ADGRL2: variants seen among roughly 807,000 people sequenced by gnomAD.
The protein encoded by ADGRL2 is adhesion G protein-coupled receptor L2.
Under a neutral mutation model 157.4 loss-of-function variants are expected in ADGRL2, and 44 were observed. That is an observed-to-expected ratio of 0.28 (90% CI 0.22 to 0.36). The LOEUF is 0.36. ADGRL2 is among the 10% of genes least tolerant of loss of function. The probability of loss-of-function intolerance (pLI) is 1.00; values close to 1 mark genes in which losing one functional copy is unlikely to be tolerated. For missense variants in ADGRL2, 1,510 were observed against 1,768.9 expected, an observed-to-expected ratio of 0.85 and a Z score of 2.63; for synonymous variants, 585 against 624.7, an observed-to-expected ratio of 0.94 and a Z score of 0.95.
intron 18 of ADGRL2, chr1:81,981,161 T>G: frequency 2.5e-6 from 1 of 404,970 alleles, no homozygotes; most frequent in South Asian, 2.2e-5. Context: ...GTAAGATCAT[T>G]AGTTAGACAT....
At chr1:81,335,150 C>T (rs759668532) in intron 1 of ADGRL2, among the ~76,000 whole-genome samples, 6 of 152,084 alleles carry the variant, frequency 3.9e-5, no homozygotes, top group Non-Finnish European at 5.9e-5. Flanking sequence ...TCTTCCAAGG[C>T]CTTATGAATC....
intron 2 of ADGRL2, among the ~76,000 whole-genome samples, chr1:81,530,631 G>A (rs964233218): frequency 6.6e-6 from 1 of 152,074 alleles, no homozygotes; most frequent in East Asian, 1.9e-4. Context: ...TTACAGGCGT[G>A]AGCCACCATG....
intron 2 of ADGRL2, among the ~76,000 whole-genome samples, chr1:81,520,119 G>A (rs2079277343): frequency 6.6e-6 from 1 of 152,196 alleles, no homozygotes; most frequent in Non-Finnish European, 1.5e-5. Flanking sequence ...AGAAGCAAAT[G>A]ATGAGAATGA....
intron 1 of ADGRL2, among the ~76,000 whole-genome samples, chr1:81,430,674 AGTTGTT>A (rs376586643): frequency 6.6e-6 from 1 of 151,912 alleles, no homozygotes; most frequent in Admixed American, 6.6e-5. Flanking sequence ...ATTTCAAGTT[AGTTGTT>A]GTTGTTGTTG....
At chr1:81,826,446 G>A (rs2091489168) in intron 1 of ADGRL2, among the ~76,000 whole-genome samples, 1 of 148,544 alleles carries the variant, frequency 6.7e-6, no homozygotes, top group African/African-American at 2.5e-5. Context: ...ACTGGTACCA[G>A]CAGGAGATTT....
chr1:81,558,643 G>GA (rs371744631), intron 2 of ADGRL2, among the ~76,000 whole-genome samples: 127 of 147,506 alleles, frequency 8.6e-4, no homozygotes, highest in East Asian at 4.7e-3. Context: ...AAATAACAAT[G>GA]AAAAAAAAAA....
chr1:81,940,148 C>T (rs886510559), intron 4 of ADGRL2, among the ~76,000 whole-genome samples: 1 of 151,430 alleles, frequency 6.6e-6, no homozygotes, highest in Non-Finnish European at 1.5e-5. Context: ...TCTACATCTT[C>T]TATTGAACTT....
intron 2 of ADGRL2, among the ~76,000 whole-genome samples, chr1:81,476,649 G>A (rs1022025404): frequency 2.6e-5 from 4 of 151,956 alleles, no homozygotes; most frequent in Non-Finnish European, 5.9e-5. Flanking sequence ...TAGAAATCTC[G>A]CAAAGTTGCT....
In ADGRL2 at chr1:81,984,599, G is replaced by A. The variant is rs750714643; in HGVS notation, c.3299G>A (p.Gly1100Asp). ...TCAATGCAGGTACGAAAAGAATATG[G>A]CAAGTGCTTCAGACACTCATACTGC... ...ALQKKVRKEYGKCFRHSYCCG... is the reference protein window; with the variant it reads ...ALQKKVRKEYDKCFRHSYCCG... Residue 1100 changes from glycine to aspartate, a missense_variant, in exon 20 of 24, where the codon GGC (glycine) becomes GAC (aspartate). Coordinates refer to ENST00000686636, the MANE Select transcript of ADGRL2 (RefSeq NM_001366006.2). 6.2e-7 allele frequency: 1 copy of A among 1,609,274 alleles called. No homozygotes were observed. Among genetic ancestry groups the A allele is most frequent in the Non-Finnish European group, 8.5e-7 (1 of 1,176,672 alleles).
At chr1:81,973,651 T>C (rs1659395561) in intron 17 of ADGRL2, among the ~76,000 whole-genome samples, 1 of 152,224 alleles carries the variant, frequency 6.6e-6, no homozygotes, top group African/African-American at 2.4e-5. Flanking sequence ...ATGTTGTTCA[T>C]TTATAGTAGA....
chr1:81,748,467 CAA>C (rs973818702), intron 1 of ADGRL2, among the ~76,000 whole-genome samples: 605 of 42,292 alleles, frequency 0.014, no homozygotes, highest in African/African-American at 0.051. Context: ...GATTCCGTCT[CAA>C]AAAAAAAAAA....
At chr1:81,703,046 C>T (rs928409680) in intron 1 of ADGRL2, among the ~76,000 whole-genome samples, 8 of 152,148 alleles carry the variant, frequency 5.3e-5, no homozygotes, top group Admixed American at 2.6e-4. Context: ...TGGTCAATCG[C>T]GCTGATTAAT....
intron 1 of ADGRL2, among the ~76,000 whole-genome samples, chr1:81,807,058 A>G (rs910091487): frequency 6.6e-6 from 1 of 151,964 alleles, no homozygotes; most frequent in Admixed American, 6.6e-5. Context: ...GCATCGTTAC[A>G]AAAAAATGGT....
Position 81,829,189 on chromosome 1 carries a change from G to A in ADGRL2, c.-100-7696G>A, listed in dbSNP as rs1479508859. On this transcript the variant is annotated intron_variant, in intron 1 of 23. Transcript: ENST00000686636. ...GGCCTCCCAAAGTGCTGAGATTACA[G>A]GTGTGATACATCTCCTAATATTCTT... Among the ~76,000 whole-genome samples the A allele has an allele frequency of 2.0e-5, 3 of 152,118 alleles. No individual in the cohort carries two copies. The East Asian group carries it at 5.8e-4, about 29-fold the overall frequency.
chr1:81,399,503 G>A (rs2076714710), intron 1 of ADGRL2, among the ~76,000 whole-genome samples: 1 of 150,778 alleles, frequency 6.6e-6, no homozygotes, highest in Non-Finnish European at 1.5e-5. Context: ...TTTTCTGATT[G>A]AGTAATTTCA....
At chr1:81,506,626 C>T (rs566252091) in intron 2 of ADGRL2, among the ~76,000 whole-genome samples, 1 of 152,116 alleles carries the variant, frequency 6.6e-6, no homozygotes, top group African/African-American at 2.4e-5. Context: ...AAGAGGATCA[C>T]CTAAGGCCAG....
intron 2 of ADGRL2, among the ~76,000 whole-genome samples, chr1:81,837,341 A>G (rs1394707541): frequency 2.0e-5 from 3 of 151,912 alleles, no homozygotes; most frequent in Non-Finnish European, 2.9e-5. Flanking sequence ...TTTGGTATAC[A>G]TTTTACATTT....
chr1:81,841,548 A>G (rs183120167), intron 2 of ADGRL2, among the ~76,000 whole-genome samples: 178 of 152,288 alleles, frequency 1.2e-3, no homozygotes, highest in Non-Finnish European at 2.1e-3. Flanking sequence ...CCAAGGTTAA[A>G]TTTAAGAAAG....
chr1:81,750,778 T>C (rs1322721458), intron 1 of ADGRL2, among the ~76,000 whole-genome samples: 3 of 152,100 alleles, frequency 2.0e-5, no homozygotes, highest in Non-Finnish European at 4.4e-5. Flanking sequence ...CCTGTGGTGC[T>C]GGTTTGGAAA....
Sources: allele counts gnomAD v4.1 joint callset (sites outside exome capture counted in the v4.1 genomes callset), GRCh38; gene constraint gnomAD v4.1.1; transcripts MANE v1.5; gene names NCBI Gene and HGNC (gene_info 2026-07-23, HGNC 2026-07-21).